The following STAG1 variants were observed in gnomAD, a reference collection of about 807,000 sequenced individuals.
STAG1 encodes the protein cohesin subunit SA-1.
In STAG1, 26 loss-of-function variants were observed where a neutral mutation model predicts 170.9. That is an observed-to-expected ratio of 0.15 (90% CI 0.11 to 0.21). The LOEUF (loss-of-function observed/expected upper bound fraction) is 0.21, where lower values mean the gene tolerates loss of function less well. Among genes scored for constraint, STAG1 ranks in the 10% least tolerant of loss-of-function variants. STAG1 has a pLI of 1.00. For synonymous variants in STAG1, 514 were observed against 497.7 expected, an observed-to-expected ratio of 1.03 and a Z score of -0.44; for missense variants, 964 against 1,509.5, an observed-to-expected ratio of 0.64 and a Z score of 5.99.
chr3:136,533,154 T>C (rs1246940299), intron 6 of STAG1, among the ~76,000 whole-genome samples: 1 of 152,018 alleles, frequency 6.6e-6, no homozygotes, highest in African/African-American at 2.4e-5. Context: ...GCAATCCCAT[T>C]TACAACAGCT....
chr3:136,538,431 T>C (rs1300985600), intron 6 of STAG1, among the ~76,000 whole-genome samples: 2 of 151,714 alleles, frequency 1.3e-5, no homozygotes, highest in African/African-American at 4.8e-5. Context: ...TTTTTTTCTT[T>C]TTTGAGAGAG....
At chr3:136,680,437 T>C (rs1047301805) in intron 1 of STAG1, among the ~76,000 whole-genome samples, 7 of 151,722 alleles carry the variant, frequency 4.6e-5, no homozygotes, top group African/African-American at 1.7e-4. Context: ...ATTGTATGAG[T>C]AGAGAGAAAA....
chr3:136,460,532 G>A (rs976896894), intron 13 of STAG1, among the ~76,000 whole-genome samples: 2 of 152,128 alleles, frequency 1.3e-5, no homozygotes, highest in African/African-American at 4.8e-5. Flanking sequence ...AACCCAGGAG[G>A]TGGAGGTTGC....
intron 7 of STAG1, among the ~76,000 whole-genome samples, chr3:136,503,927 G>T (rs1341653272): frequency 6.6e-6 from 1 of 152,018 alleles, no homozygotes; most frequent in Non-Finnish European, 1.5e-5. Context: ...AGTAGAGACA[G>T]GGTTTCACCA....
chr3:136,391,438 A>G lies in STAG1; in HGVS notation c.2277+7311T>C, dbSNP rs946438152. ...TGTCGCCAAGCTGGAGTGCAGTGGC[A>G]TAATCTTGGCTCACTGCAACCTCCG... On this transcript the variant is annotated intron_variant, in intron 22 of 33. Coordinates refer to ENST00000383202, the MANE Select transcript of STAG1 (RefSeq NM_005862.3). 4.2e-5 allele frequency among the ~76,000 whole-genome samples: 6 copies of G among 143,642 alleles called. No homozygotes were observed. The Admixed American group carries it at 4.4e-4, about 11-fold the overall frequency. 94.2% of individuals were successfully genotyped at this position (143,642 alleles called of 152,430 possible). A position where few individuals can be genotyped will look rare whatever the true frequency, so the allele number is the denominator to read the frequency against.
intron 4 of STAG1, among the ~76,000 whole-genome samples, chr3:136,579,902 T>C (rs960492000): frequency 1.3e-5 from 2 of 150,594 alleles, no homozygotes; most frequent in Non-Finnish European, 2.9e-5. Flanking sequence ...TTCCACCAGG[T>C]TGGAAGTGGA....
chr3:136,394,926 G>A (rs6769582), intron 22 of STAG1, among the ~76,000 whole-genome samples: 22,705 of 141,144 alleles, frequency 0.16, 2,996 homozygotes, highest in African/African-American at 0.37. Flanking sequence ...GCACTCTAGC[G>A]AGACTCTGTC....
chr3:136,637,358 T>A (rs1381274824), intron 1 of STAG1, among the ~76,000 whole-genome samples: 2 of 152,108 alleles, frequency 1.3e-5, no homozygotes, highest in African/African-American at 4.8e-5. Context: ...GAGTAATAAA[T>A]CTTTTGAAAA....
At chr3:136,660,846 G>A (rs928198434) in intron 1 of STAG1, among the ~76,000 whole-genome samples, 11 of 152,094 alleles carry the variant, frequency 7.2e-5, no homozygotes, top group Non-Finnish European at 7.4e-5. Context: ...GTACACGCCT[G>A]TAGTCCCAGC....
chr3:136,463,888 TATATATAC>T (rs1416020970), intron 13 of STAG1, among the ~76,000 whole-genome samples: 6 of 147,020 alleles, frequency 4.1e-5, no homozygotes, highest in Admixed American at 2.1e-4. Context: ...CATATATACT[TATATATAC>T]ATATATACTT....
At chr3:136,496,584 T>C (rs774355222) in intron 9 of STAG1, among the ~76,000 whole-genome samples, 1 of 152,108 alleles carries the variant, frequency 6.6e-6, no homozygotes, top group Non-Finnish European at 1.5e-5. Context: ...AAAAGGAAAC[T>C]AGACAGTATT....
At chr3:136,618,576 AAG>A (rs1320819929) in intron 3 of STAG1, among the ~76,000 whole-genome samples, 1 of 152,218 alleles carries the variant, frequency 6.6e-6, no homozygotes, top group Non-Finnish European at 1.5e-5. Flanking sequence ...GGTTCTCACT[AAG>A]AGAAAAAAAT....
rs113217413 is a variant in STAG1, at chr3:136,517,842, T to C, written c.676+3371A>G. ...TCAATAGTTAATGAAAACTACAATG[T>C]AAAGCTTATTAAAATGGGCCAAATA... On this transcript the variant is annotated intron_variant, in intron 7 of 33. Transcript: ENST00000383202. Among the ~76,000 whole-genome samples the C allele has an allele frequency of 5.0e-3, 761 of 152,124 alleles. 5 individuals are homozygous for C. The highest frequency in any genetic ancestry group is 0.014 in the Middle Eastern group (4 of 294).
rs181725878 is a variant in STAG1, at chr3:136,378,719, G to A, written c.2278-967C>T. On this transcript the variant is annotated intron_variant, in intron 22 of 33. Coordinates refer to ENST00000383202, the MANE Select transcript of STAG1 (RefSeq NM_005862.3). Reference sequence around the variant, plus strand: ...TACAACCCACCAGGCACTGGTTTAAGGGCTTACTATTATATAGTTTAACAT... The same window carrying A: ...TACAACCCACCAGGCACTGGTTTAAAGGCTTACTATTATATAGTTTAACAT... Among the ~76,000 whole-genome samples, 25 of 152,220 alleles carry A rather than the reference G, an allele frequency of 1.6e-4. No homozygotes were observed. The East Asian group carries it at 4.6e-3, about 28-fold the overall frequency.
chr3:136,445,022 G>A lies in STAG1; in HGVS notation c.1429-1618C>T, dbSNP rs1007626483. Among the ~76,000 whole-genome samples the A allele has an allele frequency of 2.7e-5, 4 of 145,676 alleles. No homozygotes were observed. In the East Asian group the frequency reaches 7.8e-4, roughly 28 times the overall value. ...ACTATAGGAGTGTGCTACCCCGCCT[G>A]GCTTTTTTTTTTTTTTTTGTAGAGA... On this transcript the variant is annotated intron_variant, in intron 14 of 33. Transcript: ENST00000383202.
At chr3:136,465,098 T>C in intron 12 of STAG1, 110 bp from the exon 13 acceptor site, 2 of 646,874 alleles carry the variant, frequency 3.1e-6, no homozygotes, top group Non-Finnish European at 4.8e-6. Context: ...TAATAATTGT[T>C]GTCTCATCTT....
intron 7 of STAG1, among the ~76,000 whole-genome samples, chr3:136,507,461 G>T (rs2107876751): frequency 6.6e-6 from 1 of 152,112 alleles, no homozygotes; most frequent in Middle Eastern, 3.4e-3. Flanking sequence ...CCCCCACCAG[G>T]CTCAAGTGAT....
At chr3:136,497,430 T>G (rs2107856360) in intron 9 of STAG1, among the ~76,000 whole-genome samples, 1 of 152,244 alleles carries the variant, frequency 6.6e-6, no homozygotes, top group East Asian at 1.9e-4. Context: ...GAACATAAAT[T>G]CACCACATTA....
chr3:136,465,053 T>A, intron 12 of STAG1, 65 bp from the exon 13 acceptor site: 1 of 1,225,870 alleles, frequency 8.2e-7, no homozygotes, highest in Non-Finnish European at 1.1e-6. Context: ...TACTTTTATT[T>A]AAACTTGCTA....
Sources: gnomAD v4.1 joint callset for allele counts (sites outside exome capture counted in the v4.1 genomes callset) on GRCh38, gnomAD v4.1.1 for gene constraint, MANE v1.5 for transcripts, NCBI Gene and HGNC (gene_info 2026-07-23, HGNC 2026-07-21) for gene names.